The following TMEM17 variants were observed in gnomAD, a reference collection of about 807,000 sequenced individuals.
TMEM17 encodes the protein transmembrane protein 17.
Under a neutral mutation model 19.1 loss-of-function variants are expected in TMEM17, and 15 were observed. That is an observed-to-expected ratio of 0.78 (90% CI 0.52 to 1.21). The LOEUF (loss-of-function observed/expected upper bound fraction) is 1.21, where lower values mean the gene tolerates loss of function less well. TMEM17 is among the 50% of genes most tolerant of loss of function. The probability of loss-of-function intolerance (pLI) is 0.00; values close to 1 mark genes in which losing one functional copy is unlikely to be tolerated. For missense variants in TMEM17, 245 were observed against 242.3 expected, an observed-to-expected ratio of 1.01 and a Z score of -0.07; for synonymous variants, 103 against 86.9, an observed-to-expected ratio of 1.19 and a Z score of -1.03.
the TMEM17 span, among the ~76,000 whole-genome samples, chr2:62,493,616 G>A: frequency 6.6e-6 from 1 of 152,186 alleles, no homozygotes; most frequent in East Asian, 1.9e-4. Flanking sequence ...AAGGGTGTGT[G>A]TGCGCATGTG....
intron 1 of TMEM17, among the ~76,000 whole-genome samples, chr2:62,505,461 T>G (rs375029560): frequency 5.3e-5 from 8 of 152,030 alleles, no homozygotes; most frequent in African/African-American, 1.2e-4. Flanking sequence ...AAAGGACTCA[T>G]TAACTTTTTT....
At chr2:62,456,061 A>G in the TMEM17 span, among the ~76,000 whole-genome samples, 1 of 152,224 alleles carries the variant, frequency 6.6e-6, no homozygotes, top group Non-Finnish European at 1.5e-5. Context: ...AGAGATGGTC[A>G]ATTTCCCTGG....
At chr2:62,502,181 T>G (rs548409724) in intron 3 of TMEM17, 1 of 252,232 alleles carries the variant, frequency 4.0e-6, no homozygotes. Flanking sequence ...TTTACTACAT[T>G]CATATACTTT....
chr2:62,488,719 C>G, the TMEM17 span, among the ~76,000 whole-genome samples: 209 of 151,214 alleles, frequency 1.4e-3, 1 homozygote, highest in African/African-American at 4.9e-3. Flanking sequence ...AATCTCCAAC[C>G]TACAAAGAGG....
chr2:62,505,802 C>G (rs1283912082), intron 1 of TMEM17, among the ~76,000 whole-genome samples: 1 of 152,158 alleles, frequency 6.6e-6, no homozygotes, highest in Non-Finnish European at 1.5e-5. Context: ...TTGCAACAAG[C>G]TGGCCAGGGA....
the TMEM17 span, among the ~76,000 whole-genome samples, chr2:62,461,196 G>C: frequency 9.2e-5 from 14 of 152,306 alleles, no homozygotes; most frequent in South Asian, 2.9e-3. Context: ...GTGCTTTTAG[G>C]GTTCAGGTCC....
At chr2:62,496,498 A>G (rs573685872), downstream of TMEM17, among the ~76,000 whole-genome samples, 2 of 152,376 alleles carry the variant, frequency 1.3e-5, 1 homozygote, top group South Asian at 4.1e-4. Context: ...TTGTGTAACT[A>G]TGTAGAAACA....
chr2:62,476,538 A>G, the TMEM17 span, among the ~76,000 whole-genome samples: 2 of 152,364 alleles, frequency 1.3e-5, no homozygotes, highest in East Asian at 3.9e-4. Context: ...TAAAAAATGC[A>G]TCTGATACCC....
At chr2:62,458,693 C>T in the TMEM17 span, among the ~76,000 whole-genome samples, 1 of 152,162 alleles carries the variant, frequency 6.6e-6, no homozygotes, top group South Asian at 2.1e-4. Context: ...AAGGAGAGAA[C>T]CCAGGATAAG....
the TMEM17 span, among the ~76,000 whole-genome samples, chr2:62,466,513 A>G: frequency 6.6e-6 from 1 of 152,324 alleles, no homozygotes; most frequent in East Asian, 1.9e-4. Flanking sequence ...ACTTGGCCAC[A>G]TGAGGAGACA....
At chr2:62,491,140 T>C in the TMEM17 span, 21 of 130,216 alleles carry the variant, frequency 1.6e-4, no homozygotes, top group African/African-American at 6.0e-4. Flanking sequence ...TTACTCATCA[T>C]AGAATCCTGT....
At chr2:62,496,302 A>C (rs1019255409), downstream of TMEM17, among the ~76,000 whole-genome samples, 5 of 152,258 alleles carry the variant, frequency 3.3e-5, no homozygotes. Flanking sequence ...CACTTCCAGG[A>C]ATCTGGCTTA....
chr2:62,487,281 T>C, the TMEM17 span, among the ~76,000 whole-genome samples: 11 of 152,192 alleles, frequency 7.2e-5, no homozygotes, highest in Admixed American at 3.9e-4. Flanking sequence ...AAGCCAGTCA[T>C]AGCTGGTCGG....
At chr2:62,461,770 A>T in the TMEM17 span, among the ~76,000 whole-genome samples, 1 of 152,182 alleles carries the variant, frequency 6.6e-6, no homozygotes, top group African/African-American at 2.4e-5. Context: ...AAAACCTCGG[A>T]AGCAGCCCCA....
chr2:62,460,747 C>T, the TMEM17 span, among the ~76,000 whole-genome samples: 1 of 152,140 alleles, frequency 6.6e-6, no homozygotes, highest in East Asian at 1.9e-4. Context: ...TTAATATGGG[C>T]TGCACATGTC....
the TMEM17 span, among the ~76,000 whole-genome samples, chr2:62,461,838 G>A: frequency 6.6e-6 from 1 of 152,224 alleles, no homozygotes; most frequent in African/African-American, 2.4e-5. Context: ...GATACTGCCT[G>A]TAATGGCCGA....
chr2:62,476,088 C>G, the TMEM17 span, among the ~76,000 whole-genome samples: 1 of 151,214 alleles, frequency 6.6e-6, no homozygotes, highest in South Asian at 2.1e-4. Flanking sequence ...GGTCAGCCCA[C>G]TGATGTGCTG....
At chr2:62,471,353 C>T in the TMEM17 span, among the ~76,000 whole-genome samples, 1 of 152,126 alleles carries the variant, frequency 6.6e-6, no homozygotes, top group African/African-American at 2.4e-5. Flanking sequence ...ATTAACTCGT[C>T]TGTAAGTTGG....
the TMEM17 span, among the ~76,000 whole-genome samples, chr2:62,480,123 T>C: frequency 6.6e-6 from 1 of 152,188 alleles, no homozygotes; most frequent in East Asian, 1.9e-4. Flanking sequence ...TGAGATGATA[T>C]CTCATTGTGG....
Sources: gnomAD v4.1 joint callset for allele counts (sites outside exome capture counted in the v4.1 genomes callset) on GRCh38, gnomAD v4.1.1 for gene constraint, MANE v1.5 for transcripts, NCBI Gene and HGNC (gene_info 2026-07-23, HGNC 2026-07-21) for gene names.